Variants in ZNF131 observed in about 807,000 individuals in gnomAD.
The protein encoded by ZNF131 is zinc finger protein 131.
ZNF131 carries 7 observed loss-of-function variants against 60.0 expected under a neutral mutation model. The observed-to-expected ratio is 0.12, with a 90% confidence interval of 0.07 to 0.22. The LOEUF (loss-of-function observed/expected upper bound fraction) is 0.22, where lower values mean the gene tolerates loss of function less well. Ranked by LOEUF, ZNF131 falls within the 10% of genes least tolerant of loss-of-function variation. The pLI is 1.00. For missense variants in ZNF131, 493 were observed against 740.9 expected (o/e 0.67, Z 3.88); for synonymous variants, 257 against 253.2 (o/e 1.01, Z -0.14).
At chr5:43,125,374 G>C (rs1054888854) in intron 3 of ZNF131, among the ~76,000 whole-genome samples, 1 of 151,662 alleles carries the variant, frequency 6.6e-6, no homozygotes, top group Admixed American at 6.6e-5. Context: ...GATCAGGCTG[G>C]TCTCGAATTC....
At chr5:43,157,962 C>G (rs1358493301) in intron 4 of ZNF131, among the ~76,000 whole-genome samples, 1 of 152,178 alleles carries the variant, frequency 6.6e-6, no homozygotes, top group African/African-American at 2.4e-5. Context: ...CAAGGCTTGT[C>G]TTAATAACCT....
chr5:43,174,968 A>G lies in ZNF131; in HGVS notation c.1707A>G (p.Pro569=), dbSNP rs138538936. The G allele has an allele frequency of 1.2e-5, 20 of 1,614,182 alleles. No homozygotes were observed. In the East Asian group the frequency reaches 4.5e-4, roughly 36 times the overall value. Residue 569 remains proline, a synonymous_variant, in exon 7 of 7, where the codon CCA becomes CCG. Coordinates refer to ENST00000682664, the MANE Select transcript of ZNF131 (RefSeq NM_001330707.2). ...LLEADLDHVT[P]EIMNQEERES... ...AAGCAGATTTGGACCACGTGACCCC[A>G]GAAATCATGAACCAAGAGGAGAGAG...
At position 43,162,969 on chromosome 5, in the gene ZNF131, C is replaced by CTTTTTTTTTTTTTTTTTTTTTTT. The variant is rs1205635519; in HGVS notation, c.1054+1056_1054+1057insTTTTTTTTTTTTTTTTTTTTTTT. Reference sequence around the variant, plus strand: ...TTTATACTTCTTTTCTTTTATTTGCCTTTTTTTTTTTTTTTTTTGGCAGAT... The same window carrying CTTTTTTTTTTTTTTTTTTTTTTT: ...TTTATACTTCTTTTCTTTTATTTGCCTTTTTTTTTTTTTTTTTTTTTTTTTTTTTTTTTTTTTTTTTGGCAGAT... On this transcript the variant is annotated intron_variant, in intron 5 of 6. Transcript: ENST00000682664. 3.1e-4 allele frequency among the ~76,000 whole-genome samples: 20 copies of CTTTTTTTTTTTTTTTTTTTTTTT among 64,924 alleles called. 1 individual carries two copies. Among genetic ancestry groups the CTTTTTTTTTTTTTTTTTTTTTTT allele is most frequent in the Non-Finnish European group, 4.1e-4 (14 of 33,910 alleles). 42.6% of individuals were successfully genotyped at this position (64,924 alleles called of 152,430 possible).
intron 3 of ZNF131, among the ~76,000 whole-genome samples, chr5:43,136,517 TA>T (rs886684885): frequency 7.0e-6 from 1 of 141,846 alleles, no homozygotes; most frequent in African/African-American, 2.6e-5. Flanking sequence ...GAGGTAGTCT[TA>T]CTGTGTTGCC....
At chr5:43,148,237 T>C (rs962448173) in intron 4 of ZNF131, among the ~76,000 whole-genome samples, 21 of 150,934 alleles carry the variant, frequency 1.4e-4, no homozygotes, top group Non-Finnish European at 5.9e-5. Context: ...TAACTAGCTA[T>C]GTGTGGTGGC....
chr5:43,134,195 C>T (rs1382164418), intron 3 of ZNF131, among the ~76,000 whole-genome samples: 1 of 152,080 alleles, frequency 6.6e-6, no homozygotes, highest in African/African-American at 2.4e-5. Flanking sequence ...GTGAGATTTA[C>T]CCTTAGGATG....
rs767594961 is a variant in ZNF131 at position 43,175,026 on chromosome 5, A to G, written c.1765A>G (p.Arg589Gly). ...CCAAGCAGATGCTGCTGAGGCTGCC[A>G]GGGAAGATCACGAAGATGCTGAGGA... is the stretch of plus-strand genomic sequence containing the variant. Reference protein sequence around the residue: ...SSQADAAEAAREDHEDAEDLE... With the variant: ...SSQADAAEAAGEDHEDAEDLE... The change falls in exon 7 of 7, where the codon AGG becomes GGG. Residue 589 changes from arginine (R) to glycine (G), a missense_variant. By Grantham distance (125) the Arg-to-Gly change is moderately radical. Coordinates refer to ENST00000682664, the MANE Select transcript of ZNF131 (RefSeq NM_001330707.2). 1.9e-5 allele frequency: 30 copies of G among 1,614,194 alleles called. No homozygotes were observed. Among genetic ancestry groups the G allele is most frequent in the Middle Eastern group, 1.6e-4 (1 of 6,062 alleles).
At chr5:43,172,924 C>T (rs1033337429) in intron 5 of ZNF131, among the ~76,000 whole-genome samples, 2 of 152,082 alleles carry the variant, frequency 1.3e-5, no homozygotes, top group East Asian at 1.9e-4. Flanking sequence ...TATCTTCTTA[C>T]CTTCATCACC....
At position 43,175,100 on chromosome 5, in the gene ZNF131, T is replaced by A; in HGVS notation, c.1839T>A (p.Asn613Lys). Reference protein sequence around the residue: ...TVDSEAEKAENEDRTALPVLE With the variant: ...TVDSEAEKAEKEDRTALPVLE ...ATTCTGAAGCAGAAAAGGCAGAGAA[T>A]GAGGACAGAACAGCTCTGCCAGTTT... Residue 613 changes from asparagine (N) to lysine (K), a missense_variant, in exon 7 of 7, where the codon AAT becomes AAA. By Grantham distance (94) the Asn-to-Lys change is moderately conservative (BLOSUM62 0). Around this residue, in one of 7 missense-constraint regions of ZNF131, gnomAD observed 202 missense variants for 221.3 expected, o/e 0.91. Transcript: ENST00000682664. The A allele has an allele frequency of 1.9e-6, 3 of 1,614,016 alleles. No individual in the cohort carries two copies. Among genetic ancestry groups the A allele is most frequent in the Non-Finnish European group, 2.5e-6 (3 of 1,180,000 alleles).
intron 4 of ZNF131, among the ~76,000 whole-genome samples, chr5:43,153,016 T>C (rs1561424550): frequency 6.6e-6 from 1 of 152,086 alleles, no homozygotes; most frequent in Non-Finnish European, 1.5e-5. Context: ...TTTCCAGTCA[T>C]CCCCTCCTCT....
At chr5:43,166,688 C>T (rs1490714179) in intron 5 of ZNF131, among the ~76,000 whole-genome samples, 2 of 151,496 alleles carry the variant, frequency 1.3e-5, no homozygotes, top group Non-Finnish European at 2.9e-5. Context: ...CGGGGTCTCG[C>T]TCTGTCGCCC....
chr5:43,174,691 A>G lies in ZNF131; in HGVS notation c.1430A>G (p.Lys477Arg), dbSNP rs1448595707. 1.2e-6 allele frequency: 2 copies of G among 1,614,108 alleles called. No homozygotes were observed. The highest frequency in any genetic ancestry group is 1.3e-5 in the African/African-American group (1 of 74,952). Residue 477 changes from lysine (K) to arginine (R), a missense_variant, in exon 7 of 7, where the codon AAG (lysine) becomes AGG (arginine). By Grantham distance (26) the Lys-to-Arg change is conservative. This residue lies in a region of ZNF131 where 202 missense variants were observed against 221.3 expected (regional missense o/e 0.91). Coordinates refer to ENST00000682664, the MANE Select transcript of ZNF131 (RefSeq NM_001330707.2). ...TSMTIIEQVG[K>R]VHVLPLLQVQ... ...ATGACTATTATAGAACAAGTTGGGA[A>G]GGTGCATGTGCTACCATTGCTTCAG...
chr5:43,153,906 A>G (rs1311053643), intron 4 of ZNF131, among the ~76,000 whole-genome samples: 2 of 152,230 alleles, frequency 1.3e-5, no homozygotes, highest in Non-Finnish European at 2.9e-5. Context: ...GCTACTCAGT[A>G]TCTATGGATG....
At position 43,175,777 on chromosome 5, in the gene ZNF131, A is replaced by T. The variant is rs782982; in HGVS notation, c.*644A>T. 1.4e-3 allele frequency: 364 copies of T among 255,486 alleles called. 3 individuals carry two copies. The highest frequency in any genetic ancestry group is 7.8e-3 in the African/African-American group (345 of 44,066). The allele number at this position is 255,486 out of a possible 1,614,324, so 15.8% of individuals were successfully genotyped here. ...TCTCAAAACCAACTGAACTTCTATAAAGCATCTCTGGTTCTTTCAAAGTTT... is the reference window on the plus strand; with the variant it reads ...TCTCAAAACCAACTGAACTTCTATATAGCATCTCTGGTTCTTTCAAAGTTT... On this transcript the variant is annotated 3_prime_UTR_variant, in exon 7 of 7. Transcript: ENST00000682664.
intron 4 of ZNF131, among the ~76,000 whole-genome samples, chr5:43,159,198 C>G (rs1479058899): frequency 6.6e-6 from 1 of 151,970 alleles, no homozygotes; most frequent in Non-Finnish European, 1.5e-5. Context: ...ACGTTTTTTC[C>G]AGAGTGGGGG....
chr5:43,131,140 C>T (rs1344898861), intron 3 of ZNF131, among the ~76,000 whole-genome samples: 1 of 145,948 alleles, frequency 6.9e-6, no homozygotes, highest in African/African-American at 2.5e-5. Context: ...GCTGGGATTA[C>T]AGGTGTGAGC....
intron 4 of ZNF131, among the ~76,000 whole-genome samples, chr5:43,148,538 C>A (rs923314367): frequency 3.3e-5 from 5 of 152,158 alleles, no homozygotes; most frequent in Non-Finnish European, 7.4e-5. Flanking sequence ...GACTTAAATG[C>A]CATATAGTCT....
chr5:43,136,342 C>A (rs1427512427), intron 3 of ZNF131, among the ~76,000 whole-genome samples: 2 of 152,152 alleles, frequency 1.3e-5, no homozygotes, highest in Admixed American at 1.3e-4. Context: ...CAATACAGTC[C>A]CTCTCAAAAT....
At chr5:43,166,561 C>T (rs1051805960) in intron 5 of ZNF131, among the ~76,000 whole-genome samples, 44 of 151,972 alleles carry the variant, frequency 2.9e-4, no homozygotes, top group African/African-American at 8.7e-4. Context: ...AGGGTTTCAC[C>T]GTGTTGGCCA....
Sources: gnomAD v4.1 joint callset for allele counts (sites outside exome capture counted in the v4.1 genomes callset) on GRCh38, gnomAD v4.1.1 for gene constraint, gnomAD v4.1.1 regional missense constraint, MANE v1.5 for transcripts, NCBI Gene and HGNC (gene_info 2026-07-23, HGNC 2026-07-21) for gene names.